SGMS1: variants seen among roughly 807,000 people sequenced by gnomAD.
SGMS1 encodes the protein sphingomyelin synthase 1.
In SGMS1, 13 loss-of-function variants were observed where a neutral mutation model predicts 46.2. That is an observed-to-expected ratio of 0.28 (90% CI 0.18 to 0.45). The LOEUF is 0.45. Ranked by LOEUF, SGMS1 falls within the 20% of genes least tolerant of loss-of-function variation. The pLI, the probability that SGMS1 is intolerant of heterozygous loss-of-function variation, is 1.00. For missense variants in SGMS1, 324 were observed against 519.9 expected, an observed-to-expected ratio of 0.62 and a Z score of 3.66; for synonymous variants, 203 against 187.8, an observed-to-expected ratio of 1.08 and a Z score of -0.66.
At chr10:50,331,578 A>T (rs1280335463) in intron 7 of SGMS1, among the ~76,000 whole-genome samples, 1 of 152,202 alleles carries the variant, frequency 6.6e-6, no homozygotes, top group East Asian at 1.9e-4. Flanking sequence ...ACCACCTCGT[A>T]TGTTAAATCA....
intron 2 of SGMS1, among the ~76,000 whole-genome samples, chr10:50,524,643 T>C (rs1333338334): frequency 6.6e-6 from 1 of 152,192 alleles, no homozygotes; most frequent in African/African-American, 2.4e-5. Context: ...AAGTAGGTGA[T>C]ATTTATTATT....
At chr10:50,624,514 A>G (rs562460765), upstream of SGMS1, 1 of 868,264 alleles carries the variant, frequency 1.2e-6, no homozygotes, top group East Asian at 1.2e-4. Context: ...GCCTCTGGCG[A>G]CGCCTGGGAG....
At chr10:50,562,547 C>G (rs902699709) in intron 2 of SGMS1, among the ~76,000 whole-genome samples, 1 of 152,072 alleles carries the variant, frequency 6.6e-6, no homozygotes, top group African/African-American at 2.4e-5. Flanking sequence ...AATATTGTCT[C>G]CACACTCTTT....
intron 6 of SGMS1, among the ~76,000 whole-genome samples, chr10:50,368,176 T>C (rs1848378782): frequency 6.6e-6 from 1 of 152,200 alleles, no homozygotes. Context: ...GTTGTTTCCA[T>C]AGTTTTTCAT....
chr10:50,606,295 T>C (rs1349057449), intron 1 of SGMS1, among the ~76,000 whole-genome samples: 2 of 152,144 alleles, frequency 1.3e-5, no homozygotes, highest in African/African-American at 2.4e-5. Flanking sequence ...AGAACAGTGG[T>C]TTTCCAGGGG....
At chr10:50,591,435 AGT>A (rs1469893951) in intron 1 of SGMS1, among the ~76,000 whole-genome samples, 1 of 152,194 alleles carries the variant, frequency 6.6e-6, no homozygotes, top group Non-Finnish European at 1.5e-5. Flanking sequence ...CGGGCACTGC[AGT>A]GTGCTCCCTG....
intron 1 of SGMS1, among the ~76,000 whole-genome samples, chr10:50,606,084 G>A (rs1039495125): frequency 6.6e-6 from 1 of 152,208 alleles, no homozygotes; most frequent in Non-Finnish European, 1.5e-5. Flanking sequence ...AAAGATAGAA[G>A]TAACCCAAGT....
chr10:50,313,667 T>C (rs1418558352), intron 8 of SGMS1, among the ~76,000 whole-genome samples: 1 of 152,262 alleles, frequency 6.6e-6, no homozygotes, highest in African/African-American at 2.4e-5. Context: ...TTTTACATTA[T>C]TTCATAATGC....
chr10:50,567,160 T>A (rs1014632544), intron 2 of SGMS1, among the ~76,000 whole-genome samples: 9 of 152,200 alleles, frequency 5.9e-5, no homozygotes, highest in African/African-American at 2.2e-4. Flanking sequence ...TTGGCCAGGC[T>A]GGTCTCGAAC....
rs182653373 is a variant in SGMS1, at chr10:50,452,956, T to C, written c.-313+7717A>G. On this transcript the variant is annotated intron_variant, in intron 5 of 10. Transcript: ENST00000361781. ...GAGGCAGAGAATATAATGTAAAGAG[T>C]GTCCAGATTGATAGTGGCTACAGGC... Among the ~76,000 whole-genome samples the C allele has an allele frequency of 5.1e-4, 78 of 152,154 alleles. 1 individual carries two copies. The East Asian group carries it at 8.7e-3, about 17-fold the overall frequency.
At chr10:50,609,445 C>A (rs991875298) in intron 1 of SGMS1, among the ~76,000 whole-genome samples, 1 of 150,622 alleles carries the variant, frequency 6.6e-6, no homozygotes. Context: ...ACATATCTGT[C>A]TAGTTCATCA....
At chr10:50,354,700 A>C (rs1208790621) in intron 6 of SGMS1, among the ~76,000 whole-genome samples, 1 of 152,218 alleles carries the variant, frequency 6.6e-6, no homozygotes, top group Non-Finnish European at 1.5e-5. Flanking sequence ...CATCTGACAA[A>C]GGGCTAATAT....
chr10:50,583,032 G>T (rs1376978964), intron 2 of SGMS1, among the ~76,000 whole-genome samples: 1 of 152,122 alleles, frequency 6.6e-6, no homozygotes, highest in South Asian at 2.1e-4. Context: ...TAGCGTGCAT[G>T]AGGCACTATT....
intron 6 of SGMS1, among the ~76,000 whole-genome samples, chr10:50,407,090 G>GAT (rs1272947853): frequency 6.6e-6 from 1 of 152,056 alleles, no homozygotes; most frequent in African/African-American, 2.4e-5. Context: ...CTGAACTGAT[G>GAT]ATATACTCCC....
intron 6 of SGMS1, among the ~76,000 whole-genome samples, chr10:50,410,619 T>G (rs1249049238): frequency 6.6e-6 from 1 of 152,170 alleles, no homozygotes; most frequent in Non-Finnish European, 1.5e-5. Context: ...TCTTCCTGTG[T>G]GGCCTGACAC....
At chr10:50,588,605 C>A (rs976227673) in intron 2 of SGMS1, among the ~76,000 whole-genome samples, 1 of 152,068 alleles carries the variant, frequency 6.6e-6, no homozygotes, top group Non-Finnish European at 1.5e-5. Flanking sequence ...AATACATTAA[C>A]CTATATAACA....
At chr10:50,428,137 G>A (rs1467909570) in intron 6 of SGMS1, among the ~76,000 whole-genome samples, 1 of 152,104 alleles carries the variant, frequency 6.6e-6, no homozygotes, top group African/African-American at 2.4e-5. Context: ...GGCTAACAAT[G>A]GAGTGAGGCT....
chr10:50,341,522 T>C, intron 7 of SGMS1: 1 of 445,544 alleles, frequency 2.2e-6, no homozygotes. Context: ...TTCAATATAA[T>C]TGGCCCATCC....
chr10:50,318,779 G>A (rs1847391120), intron 8 of SGMS1, among the ~76,000 whole-genome samples: 1 of 151,996 alleles, frequency 6.6e-6, no homozygotes, highest in South Asian at 2.1e-4. Context: ...CCTTCACTCG[G>A]CTGTGAAGAA....
Sources: gnomAD v4.1 joint callset for allele counts (sites outside exome capture counted in the v4.1 genomes callset) on GRCh38, gnomAD v4.1.1 for gene constraint, MANE v1.5 for transcripts, NCBI Gene and HGNC (gene_info 2026-07-23, HGNC 2026-07-21) for gene names.